The following FMN1 variants were observed in gnomAD, a reference collection of about 807,000 sequenced individuals.
The protein encoded by FMN1 is formin-1.
FMN1 carries 110 observed loss-of-function variants against 132.4 expected under a neutral mutation model. The ratio of observed to expected loss-of-function variants is 0.83; its 90% CI spans 0.71 to 0.97. The LOEUF (loss-of-function observed/expected upper bound fraction) is 0.97, where lower values mean the gene tolerates loss of function less well. Ranked by LOEUF, FMN1 falls within the 50% of genes least tolerant of loss-of-function variation. The pLI, the probability that FMN1 is intolerant of heterozygous loss-of-function variation, is 0.00. For missense variants in FMN1, 1,792 were observed against 1,705.3 expected (o/e 1.05, Z -0.90); for synonymous variants, 722 against 651.7 (o/e 1.11, Z -1.64).
intron 6 of FMN1, among the ~76,000 whole-genome samples, chr15:33,055,231 C>G (rs2037163270): frequency 6.6e-6 from 1 of 152,204 alleles, no homozygotes; most frequent in African/African-American, 2.4e-5. Context: ...ACACTCCTCT[C>G]TACTGATAAT....
chr15:32,785,161 C>CGTGTGTGTGT lies in FMN1; in HGVS notation c.4131-8252_4131-8243dup, dbSNP rs1178285469. Among the ~76,000 whole-genome samples the CGTGTGTGTGT allele has an allele frequency of 5.5e-3, 284 of 51,610 alleles. 8 individuals carry two copies. The highest frequency in any genetic ancestry group is 9.7e-3 in the African/African-American group (115 of 11,878). 33.9% of individuals were successfully genotyped at this position (51,610 alleles called of 152,430 possible). On this transcript the variant is annotated intron_variant, in intron 19 of 20. Coordinates refer to ENST00000616417, the MANE Select transcript of FMN1 (RefSeq NM_001277313.2). Reference sequence around the variant, plus strand: ...GTGTGTGTGTGTGTGTGTATACGTACGTGTGTGTGTGTGTGTGTGTGTGTG... The same window carrying CGTGTGTGTGT: ...GTGTGTGTGTGTGTGTGTATACGTACGTGTGTGTGTGTGTGTGTGTGTGTGTGTGTGTGTG...
intron 9 of FMN1, among the ~76,000 whole-genome samples, chr15:32,945,218 C>T (rs531303469): frequency 6.6e-6 from 1 of 152,078 alleles, no homozygotes; most frequent in East Asian, 1.9e-4. Flanking sequence ...TAGCACGGTG[C>T]CAATACATAG....
At chr15:32,927,651 T>C (rs2060995298) in intron 9 of FMN1, among the ~76,000 whole-genome samples, 1 of 152,214 alleles carries the variant, frequency 6.6e-6, no homozygotes, top group Non-Finnish European at 1.5e-5. Context: ...TTATGAATAT[T>C]CCATGGAGAA....
chr15:32,864,358 CA>C (rs1322037981), intron 16 of FMN1, among the ~76,000 whole-genome samples: 1 of 152,150 alleles, frequency 6.6e-6, no homozygotes, highest in East Asian at 1.9e-4. Flanking sequence ...GAGACACCGA[CA>C]TAAGTTAGAT....
At chr15:32,779,597 G>A (rs2056598921) in intron 19 of FMN1, among the ~76,000 whole-genome samples, 1 of 152,106 alleles carries the variant, frequency 6.6e-6, no homozygotes, top group East Asian at 1.9e-4. Flanking sequence ...CTTTCACTGT[G>A]GCAATATATG....
In FMN1 at chr15:32,838,281, GA is replaced by G. The variant is rs530924041; in HGVS notation, c.3928+18733del. ...AAAATTAAAAGCGGAAGGGGAGAAA[GA>G]AAAAAAATCGGAGAGGTGAGGCCAA... is the stretch of plus-strand genomic sequence containing the variant. On this transcript the variant is annotated intron_variant, in intron 17 of 20. Coordinates refer to ENST00000616417, the MANE Select transcript of FMN1 (RefSeq NM_001277313.2). Among the ~76,000 whole-genome samples the G allele has an allele frequency of 8.0e-5, 12 of 149,788 alleles. No homozygotes were observed. The South Asian group carries it at 2.6e-3, about 32-fold the overall frequency.
chr15:32,779,221 T>C (rs2056584868), intron 19 of FMN1, among the ~76,000 whole-genome samples: 1 of 152,218 alleles, frequency 6.6e-6, no homozygotes, highest in South Asian at 2.1e-4. Flanking sequence ...GTAATGGTTG[T>C]AGACCCTTGT....
chr15:33,157,064 G>A (rs8026162), intron 3 of FMN1, among the ~76,000 whole-genome samples: 29,526 of 151,610 alleles, frequency 0.19, 3,516 homozygotes, highest in Middle Eastern at 0.28. Flanking sequence ...TCAGGAGATC[G>A]ACACCAGCCT....
chr15:32,964,310 T>C (rs2030968800), intron 8 of FMN1, 53 bp from the exon 9 acceptor site: 1 of 1,254,886 alleles, frequency 8.0e-7, no homozygotes, highest in African/African-American at 1.5e-5. Context: ...GGAAGGAATG[T>C]AATACAATGA....
intron 17 of FMN1, among the ~76,000 whole-genome samples, chr15:32,839,257 C>A (rs2058694274): frequency 6.6e-6 from 1 of 152,116 alleles, no homozygotes; most frequent in Non-Finnish European, 1.5e-5. Flanking sequence ...AACCCCTCTC[C>A]CTGAGGACAG....
intron 9 of FMN1, among the ~76,000 whole-genome samples, chr15:32,956,519 A>G (rs914241465): frequency 1.3e-5 from 2 of 152,020 alleles, no homozygotes; most frequent in African/African-American, 4.8e-5. Context: ...GGAGTCCTTA[A>G]ACTGAAGAAC....
chr15:33,043,181 A>G (rs548633492), intron 6 of FMN1, among the ~76,000 whole-genome samples: 5 of 152,278 alleles, frequency 3.3e-5, no homozygotes, highest in Admixed American at 1.3e-4. Flanking sequence ...CATGGTGCCC[A>G]ATCACAGGAT....
chr15:33,045,939 G>A (rs1190129881), intron 6 of FMN1, among the ~76,000 whole-genome samples: 5 of 152,198 alleles, frequency 3.3e-5, no homozygotes, highest in Admixed American at 2.0e-4. Flanking sequence ...GATTACAGGC[G>A]TGAGCCATCA....
intron 4 of FMN1, among the ~76,000 whole-genome samples, chr15:33,117,283 AT>A (rs2140154800): frequency 6.6e-6 from 1 of 152,312 alleles, no homozygotes; most frequent in African/African-American, 2.4e-5. Context: ...CAACGAAAGT[AT>A]TTGTAATGTC....
chr15:32,813,229 C>T (rs1356636695), intron 17 of FMN1, among the ~76,000 whole-genome samples: 1 of 152,186 alleles, frequency 6.6e-6, no homozygotes, highest in Admixed American at 6.5e-5. Context: ...TGGAACCAAT[C>T]CTCCACGGAT....
chr15:33,063,098 G>A (rs4779606), intron 6 of FMN1: 45,580 of 152,052 alleles, frequency 0.3, 7,598 homozygotes, highest in Admixed American at 0.37. Flanking sequence ...CCTGCTGGGC[G>A]CCCATGGTGG....
At chr15:33,126,818 G>A (rs1019597754) in intron 4 of FMN1, among the ~76,000 whole-genome samples, 3 of 152,162 alleles carry the variant, frequency 2.0e-5, no homozygotes, top group African/African-American at 4.8e-5. Context: ...TTTTCGATCC[G>A]CCTTCCTGGC....
intron 16 of FMN1, among the ~76,000 whole-genome samples, chr15:32,873,163 T>C (rs904710160): frequency 2.6e-5 from 4 of 152,220 alleles, no homozygotes; most frequent in East Asian, 1.9e-4. Flanking sequence ...TCTCACTTAA[T>C]GCCTGTTAAG....
At chr15:32,935,098 T>C (rs926801171) in intron 9 of FMN1, among the ~76,000 whole-genome samples, 9 of 151,916 alleles carry the variant, frequency 5.9e-5, no homozygotes, top group African/African-American at 2.2e-4. Context: ...ATTTTTTGTA[T>C]TTTTAGTAGA....
Sources: allele counts gnomAD v4.1 joint callset (sites outside exome capture counted in the v4.1 genomes callset), GRCh38; gene constraint gnomAD v4.1.1; transcripts MANE v1.5; gene names NCBI Gene and HGNC (gene_info 2026-07-23, HGNC 2026-07-21).